MIER1: variants seen among roughly 807,000 people sequenced by gnomAD.
MIER1 encodes mesoderm induction early response protein 1.
Under a neutral mutation model 75.7 loss-of-function variants are expected in MIER1, and 40 were observed. The ratio of observed to expected loss-of-function variants is 0.53; its 90% confidence interval spans 0.41 to 0.69. The LOEUF (loss-of-function observed/expected upper bound fraction) is 0.69, where lower values mean the gene tolerates loss of function less well. Ranked by LOEUF, MIER1 falls within the 30% of genes least tolerant of loss-of-function variation. The pLI is 0.00. For missense variants in MIER1, 574 were observed against 680.2 expected (o/e 0.84, Z 1.74); for synonymous variants, 213 against 223.4 (o/e 0.95, Z 0.42).
At chr1:66,946,485 G>C in intron 4 of MIER1, 190 bp downstream of exon 4, 1 of 1,304,524 alleles carries the variant, frequency 7.7e-7, no homozygotes. Flanking sequence ...ACTTTATTAT[G>C]TGCAATAACA....
At chr1:66,955,347 T>TTG (rs1659898906) in intron 4 of MIER1, among the ~76,000 whole-genome samples, 3 of 139,196 alleles carry the variant, frequency 2.2e-5, no homozygotes, top group Non-Finnish European at 4.6e-5. Context: ...TTTTTTTTTT[T>TTG]TTTTTTTTTT....
At chr1:66,959,460 ATCAT>A (rs1660808132) in intron 6 of MIER1, among the ~76,000 whole-genome samples, 1 of 152,144 alleles carries the variant, frequency 6.6e-6, no homozygotes, top group Admixed American at 6.5e-5. Context: ...TTTATAGGAA[ATCAT>A]TTCATGAGAA....
intron 12 of MIER1, among the ~76,000 whole-genome samples, chr1:66,977,977 TC>T (rs1665065761): frequency 6.6e-6 from 1 of 151,958 alleles, no homozygotes. Context: ...GGCGGGTGGA[TC>T]ACAAGGTCAG....
chr1:66,984,458 CTA>C lies in MIER1; in HGVS notation c.1370-112_1370-111del, dbSNP rs377215731. Reference sequence around the variant, plus strand: ...ATAAGTAATAGAGCAAGAATTTAGACTATGTATTTGATACCTTGCTTCCTTGA... The same window carrying C: ...ATAAGTAATAGAGCAAGAATTTAGACTGTATTTGATACCTTGCTTCCTTGA... On this transcript the variant is annotated intron_variant, in intron 13 of 13. Coordinates refer to ENST00000401041, the MANE Select transcript of MIER1 (RefSeq NM_001077700.3). 1.0e-4 allele frequency: 75 copies of C among 734,430 alleles called. No individual in the cohort carries two copies. In the African/African-American group the frequency reaches 1.2e-3, roughly 12 times the overall value. 45.5% of individuals were successfully genotyped at this position (734,430 alleles called of 1,614,324 possible).
At chr1:66,970,086 T>C (rs1290809435) in intron 8 of MIER1, among the ~76,000 whole-genome samples, 1 of 152,142 alleles carries the variant, frequency 6.6e-6, no homozygotes, top group Admixed American at 6.5e-5. Context: ...TGTTTTCTTC[T>C]TATCATTTGG....
At chr1:66,954,162 A>G (rs1659603969) in intron 4 of MIER1, among the ~76,000 whole-genome samples, 1 of 152,194 alleles carries the variant, frequency 6.6e-6, no homozygotes, top group Non-Finnish European at 1.5e-5. Flanking sequence ...ATCATAATAC[A>G]GGTGAATGTG....
chr1:66,930,714 C>A (rs549037889), intron 2 of MIER1, among the ~76,000 whole-genome samples: 1 of 151,750 alleles, frequency 6.6e-6, no homozygotes, highest in South Asian at 2.1e-4. Flanking sequence ...CTTCGCCGGC[C>A]GGTGCTAGGG....
intron 4 of MIER1, among the ~76,000 whole-genome samples, chr1:66,951,642 G>A (rs936994154): frequency 6.6e-6 from 1 of 151,890 alleles, no homozygotes; most frequent in African/African-American, 2.4e-5. Flanking sequence ...GTGCAGTGGT[G>A]CAGTCATAGC....
At chr1:66,980,782 G>A (rs1665721964) in intron 12 of MIER1, among the ~76,000 whole-genome samples, 1 of 151,502 alleles carries the variant, frequency 6.6e-6, no homozygotes, top group Admixed American at 6.6e-5. Flanking sequence ...CTGACCTTGG[G>A]GAATTCTAGT....
At chr1:66,947,787 T>C (rs1365627447) in intron 4 of MIER1, 1 of 303,184 alleles carries the variant, frequency 3.3e-6, no homozygotes, top group Non-Finnish European at 4.8e-6. Flanking sequence ...GATAATGGCC[T>C]CTTACCCATG....
chr1:66,970,183 A>C (rs1663314512), intron 8 of MIER1, among the ~76,000 whole-genome samples: 1 of 152,138 alleles, frequency 6.6e-6, no homozygotes, highest in South Asian at 2.1e-4. Flanking sequence ...CTTATAATGG[A>C]AATTATGATG....
At chr1:66,979,865 A>T (rs570503856) in intron 12 of MIER1, among the ~76,000 whole-genome samples, 34 of 152,078 alleles carry the variant, frequency 2.2e-4, no homozygotes, top group African/African-American at 8.2e-4. Context: ...CCCGGGTTGA[A>T]GTGATTCTAC....
chr1:66,957,209 T>C (rs1292664475), intron 4 of MIER1, among the ~76,000 whole-genome samples: 3 of 152,196 alleles, frequency 2.0e-5, no homozygotes, highest in African/African-American at 7.2e-5. Flanking sequence ...TTAGAGTGAG[T>C]AGTTTGTATA....
intron 4 of MIER1, among the ~76,000 whole-genome samples, chr1:66,948,743 A>G (rs1392837209): frequency 6.6e-6 from 1 of 152,168 alleles, no homozygotes; most frequent in Non-Finnish European, 1.5e-5. Context: ...AAAATTTTTT[A>G]AAAAGGTTAA....
chr1:66,932,051 TCTG>T (rs1653537417), intron 2 of MIER1, among the ~76,000 whole-genome samples: 1 of 152,096 alleles, frequency 6.6e-6, no homozygotes, highest in South Asian at 2.1e-4. Flanking sequence ...ATTTAAAATT[TCTG>T]TGTTTTTAAA....
intron 12 of MIER1, among the ~76,000 whole-genome samples, chr1:66,980,833 A>G (rs144818533): frequency 6.6e-4 from 101 of 152,030 alleles, no homozygotes; most frequent in African/African-American, 2.4e-3. Context: ...TAACAGGTAG[A>G]GAATAAATAT....
chr1:66,940,095 A>G (rs752630964), intron 3 of MIER1, 43 bp downstream of exon 3: 7 of 1,464,194 alleles, frequency 4.8e-6, no homozygotes, highest in South Asian at 2.3e-5. Context: ...TTTGAGTAAC[A>G]TTTGTCCTAC....
rs1665052544 is a variant in MIER1, at chr1:66,977,908, A to G, written c.1229+1186A>G. ...CTGACCAAATAATTACCTTCGAAAG[A>G]TGTGCTTGGGCCAGGTGCGGTGGCT... On this transcript the variant is annotated intron_variant, in intron 12 of 13. Transcript: ENST00000401041. Among the ~76,000 whole-genome samples, 3 of 152,098 alleles carry G rather than the reference A, an allele frequency of 2.0e-5. No individual in the cohort carries two copies. The South Asian group carries it at 6.2e-4, about 32-fold the overall frequency.
intron 2 of MIER1, among the ~76,000 whole-genome samples, chr1:66,928,164 CAAT>C (rs994543304): frequency 3.3e-5 from 5 of 151,594 alleles, no homozygotes; most frequent in Admixed American, 6.6e-5. Context: ...TTTTTTCCCT[CAAT>C]AATAATAATA....
Sources: gnomAD v4.1 joint callset for allele counts (sites outside exome capture counted in the v4.1 genomes callset) on GRCh38, gnomAD v4.1.1 for gene constraint, MANE v1.5 for transcripts, NCBI Gene and HGNC (gene_info 2026-07-23, HGNC 2026-07-21) for gene names.